Variants in MCM3AP observed in about 807,000 individuals in gnomAD.
MCM3AP encodes the protein minichromosome maintenance complex component 3 associated protein.
Under a neutral mutation model 184.1 loss-of-function variants are expected in MCM3AP, and 126 were observed. The observed-to-expected ratio is 0.68, with a 90% CI of 0.59 to 0.79. The LOEUF is 0.79. MCM3AP is among the 30% of genes least tolerant of loss of function. The pLI is 0.00. For synonymous variants in MCM3AP, 1,002 were observed against 979.3 expected (o/e 1.02, Z -0.43); for missense variants, 2,496 against 2,479.2 (o/e 1.01, Z -0.14).
intron 17 of MCM3AP, 52 bp from the exon 18 acceptor site, chr21:46,254,896 ACTGGCTAGTGTCCC>A (rs776436974): frequency 1.7e-5 from 23 of 1,333,196 alleles, no homozygotes; most frequent in Middle Eastern, 3.6e-4. Context: ...AGTGAGAAGT[ACTGGCTAGTGTCCC>A]CTGGGGAATA....
Position 46,280,553 on chromosome 21 carries a change from T to C in MCM3AP, c.1466A>G (p.Lys489Arg). ...GTCTTTATGCAAACTTTTCCCCTTC[T>C]TTCTAGCCAGGGCTGCAGATGCCTG... ...FDHASAALAR[K>R]KGKSLHKDMA... is the part of the protein sequence containing the mutation. The change falls in exon 3 of 28, where the codon AAG becomes AGG. Residue 489 changes from lysine (K) to arginine (R), a missense_variant. Physicochemically the swap from Lys to Arg is conservative, Grantham distance 26 (BLOSUM62 2). Coordinates refer to ENST00000291688, the MANE Select transcript of MCM3AP (RefSeq NM_003906.5). 1 of 1,612,890 alleles carries C rather than the reference T, an allele frequency of 6.2e-7. No individual in the cohort carries two copies. The highest frequency in any genetic ancestry group is 8.5e-7 in the Non-Finnish European group (1 of 1,179,134).
At chr21:46,261,650 T>C (rs958721014) in intron 13 of MCM3AP, among the ~76,000 whole-genome samples, 1 of 149,874 alleles carries the variant, frequency 6.7e-6, no homozygotes, top group Non-Finnish European at 1.5e-5. Flanking sequence ...GAAGAATTGC[T>C]CGGACCTGGG....
At chr21:46,280,382 A>G (rs902824306) in intron 3 of MCM3AP, 115 bp downstream of exon 3, 4 of 876,138 alleles carry the variant, frequency 4.6e-6, no homozygotes, top group Non-Finnish European at 7.1e-6. Flanking sequence ...GGCCATGCAC[A>G]ATGGCTCATG....
At chr21:46,258,577 T>G (rs886279952) in intron 16 of MCM3AP, among the ~76,000 whole-genome samples, 2 of 152,230 alleles carry the variant, frequency 1.3e-5, no homozygotes, top group Non-Finnish European at 2.9e-5. Flanking sequence ...ATTTTGAGAA[T>G]TCACCCTTAT....
At chr21:46,270,624 T>C (rs2081166609) in intron 8 of MCM3AP, 61 bp from the exon 9 acceptor site, 2 of 1,376,082 alleles carry the variant, frequency 1.5e-6, no homozygotes, top group Admixed American at 2.1e-5. Context: ...AAAATTTTCA[T>C]GAAGATAGAT....
chr21:46,265,702 G>A (rs2081103156), intron 11 of MCM3AP, among the ~76,000 whole-genome samples, 179 bp from the exon 12 acceptor site: 2 of 152,134 alleles, frequency 1.3e-5, no homozygotes, highest in Non-Finnish European at 2.9e-5. Context: ...ACAAGCCCCA[G>A]GATGTCAGGG....
Position 46,240,911 on chromosome 21 carries a change from T to C in MCM3AP, c.5533A>G (p.Ile1845Val). 6.2e-7 allele frequency: 1 copy of C among 1,614,182 alleles called. No homozygotes were observed. Among genetic ancestry groups the C allele is most frequent in the Non-Finnish European group, 8.5e-7 (1 of 1,180,012 alleles). The stretch of plus-strand genomic sequence containing the variant: ...CGCATCAGATCCTCTGTGCTGGGAA[T>C]CCTCCCCTCTTGAGCACACTCTGTG... The part of the protein sequence containing the change: ...RSTECAQEGR[I>V]PSTEDLMRGA... Residue 1845 changes from isoleucine (I) to valine (V), a missense_variant, in exon 26 of 28, where the codon ATT becomes GTT. This residue lies in a region of MCM3AP where 1,323 missense variants were observed against 1,273.4 expected (regional missense o/e 1.04). Transcript: ENST00000291688.
chr21:46,266,754 A>G, intron 10 of MCM3AP: 2 of 535,172 alleles, frequency 3.7e-6, no homozygotes, highest in Non-Finnish European at 6.6e-6. Flanking sequence ...CATGAAAAGG[A>G]CTGATTTTGG....
chr21:46,246,559 C>A, intron 21 of MCM3AP, 69 bp downstream of exon 21: 3 of 1,588,012 alleles, frequency 1.9e-6, no homozygotes, highest in Non-Finnish European at 2.6e-6. Flanking sequence ...ACTGGACCAT[C>A]CTCAGACCCA....
intron 15 of MCM3AP, 180 bp from the exon 16 acceptor site, chr21:46,259,271 T>A (rs1320440763): frequency 9.9e-6 from 5 of 505,264 alleles, no homozygotes; most frequent in Non-Finnish European, 1.7e-5. Flanking sequence ...CTGGCTAACA[T>A]GGTGAAACCC....
intron 5 of MCM3AP, among the ~76,000 whole-genome samples, chr21:46,277,313 A>G (rs865787481): frequency 2.6e-5 from 4 of 152,076 alleles, no homozygotes; most frequent in Non-Finnish European, 4.4e-5. Context: ...TATTTTATAC[A>G]TACATTAGCA....
At chr21:46,285,972 C>T (rs2081417737), upstream of MCM3AP, 1 of 152,346 alleles carries the variant, frequency 6.6e-6, no homozygotes, top group Admixed American at 6.5e-5. Flanking sequence ...CAGCACAGCC[C>T]GAAACGGCGG....
At chr21:46,279,849 GCCC>G (rs2081307187) in intron 4 of MCM3AP, 141 bp downstream of exon 4, 2 of 714,370 alleles carry the variant, frequency 2.8e-6, no homozygotes, top group African/African-American at 3.7e-5. Context: ...CAGAGCCCCT[GCCC>G]CTCCACCCCC....
rs376121506 is a variant in MCM3AP at position 46,284,164 on chromosome 21, T to C, written c.1123A>G (p.Met375Val). 63 of 1,614,136 alleles carry C rather than the reference T, an allele frequency of 3.9e-5. No individual in the cohort carries two copies. In the Middle Eastern group the frequency reaches 6.6e-4, roughly 17 times the overall value. The change falls in exon 1 of 28, where the codon ATG (methionine) becomes GTG (valine). Residue 375 changes from methionine to valine, a missense_variant. Met to Val is a conservative substitution (Grantham distance 21, BLOSUM62 1). Transcript: ENST00000291688. ...GFVESAESDH[M>V]AIPGGNQSVL... ...GACTGATTCCCTCCTGGGATAGCCA[T>C]GTGGTCACTTTCTGCAGACTCAACA...
intron 4 of MCM3AP, among the ~76,000 whole-genome samples, chr21:46,278,731 T>C (rs1401247827): frequency 6.6e-6 from 1 of 151,896 alleles, no homozygotes; most frequent in Non-Finnish European, 1.5e-5. Context: ...TGGAGTGCAG[T>C]GGCGCAATCT....
At chr21:46,267,780 C>A in intron 9 of MCM3AP, 1 of 152,362 alleles carries the variant, frequency 6.6e-6, no homozygotes, top group Non-Finnish European at 1.5e-5. Flanking sequence ...ACCTGTGGTC[C>A]CAGCAACATG....
Position 46,265,911 on chromosome 21 carries a change from G to A in MCM3AP, c.3031+14C>T. 1 of 1,540,374 alleles carries A rather than the reference G, an allele frequency of 6.5e-7. No individual in the cohort carries two copies. Among genetic ancestry groups the A allele is most frequent in the Non-Finnish European group, 8.8e-7 (1 of 1,137,986 alleles). ...TGCAGCTAGTCCCCTCACTACGACT[G>A]CAGCTTCACTCACCCACTGTGTCGG... On this transcript the variant is annotated intron_variant, in intron 11 of 27. Transcript: ENST00000291688.
In MCM3AP at chr21:46,246,346, C is replaced by T; in HGVS notation, c.4608G>A (p.Glu1536=). 6.2e-7 allele frequency: 1 copy of T among 1,612,946 alleles called. No individual in the cohort carries two copies. Residue 1536 remains glutamate (E), a synonymous_variant, in exon 22 of 28, where the codon GAG becomes GAA. Transcript: ENST00000291688. ...GTAGATCATTAATGGTATCAGGGAT[C>T]TCGGTAACAGTGTAATCTGAAATCA... ...AKLISDYTVT[E]IPDTINDLQG...
At chr21:46,261,150 G>A (rs1232666284) in intron 14 of MCM3AP, 130 bp downstream of exon 14, 3 of 1,195,836 alleles carry the variant, frequency 2.5e-6, no homozygotes, top group Non-Finnish European at 3.6e-6. Flanking sequence ...AGCATAGGAG[G>A]GCATGAGTGG....
Sources: gnomAD v4.1 joint callset for allele counts (sites outside exome capture counted in the v4.1 genomes callset) on GRCh38, gnomAD v4.1.1 for gene constraint, gnomAD v4.1.1 regional missense constraint, MANE v1.5 for transcripts, NCBI Gene and HGNC (gene_info 2026-07-23, HGNC 2026-07-21) for gene names.